The following SOX6 variants were observed in gnomAD, a reference collection of about 807,000 sequenced individuals.
SOX6 encodes transcription factor SOX-6.
In SOX6, 11 loss-of-function variants were observed where a neutral mutation model predicts 97.8. That is an observed-to-expected ratio of 0.11 (90% CI 0.07 to 0.19). SOX6 has a LOEUF of 0.19. Among genes scored for constraint, SOX6 ranks in the 10% least tolerant of loss-of-function variants. SOX6 has a pLI of 1.00. For synonymous variants in SOX6, 360 were observed against 371.4 expected, an observed-to-expected ratio of 0.97 and a Z score of 0.35; for missense variants, 810 against 1,039.5, an observed-to-expected ratio of 0.78 and a Z score of 3.04.
intron 1 of SOX6, among the ~76,000 whole-genome samples, chr11:16,355,217 G>A (rs966690356): frequency 6.6e-6 from 1 of 151,924 alleles, no homozygotes; most frequent in African/African-American, 2.4e-5. Flanking sequence ...CTTGCCTAAA[G>A]ACCAAACTCA....
intron 4 of SOX6, among the ~76,000 whole-genome samples, chr11:16,516,791 C>A (rs1398264359): frequency 2.0e-5 from 3 of 150,684 alleles, no homozygotes; most frequent in Non-Finnish European, 4.4e-5. Context: ...CTATTCCAAT[C>A]AATAGAAAAA....
Position 16,315,421 on chromosome 11 carries a change from T to C in SOX6, c.445+3025A>G, listed in dbSNP as rs150358717. 2.4e-4 allele frequency: 36 copies of C among 152,308 alleles called. No homozygotes were observed. The East Asian group carries it at 6.6e-3, about 28-fold the overall frequency. 9.4% of individuals were successfully genotyped at this position (152,308 alleles called of 1,614,324 possible). A position where few individuals can be genotyped will look rare whatever the true frequency, so the allele number is the denominator to read the frequency against. ...GTAGAAAAATAATCACAATACTATG[T>C]AGTCCTTGAAAAGTGCTGTAAAAAA... is the stretch of plus-strand genomic sequence containing the variant. On this transcript the variant is annotated intron_variant, in intron 3 of 15. Transcript: ENST00000683767.
chr11:16,350,100 T>C (rs1252505208), intron 1 of SOX6, among the ~76,000 whole-genome samples: 1 of 152,222 alleles, frequency 6.6e-6, no homozygotes, highest in South Asian at 2.1e-4. Context: ...ATCAAGAGCA[T>C]AGGCTCTCCT....
intron 1 of SOX6, among the ~76,000 whole-genome samples, chr11:16,364,374 T>C (rs1857292440): frequency 6.6e-6 from 1 of 152,130 alleles, no homozygotes; most frequent in Non-Finnish European, 1.5e-5. Context: ...AAACAGCCTA[T>C]CTACTAGCCT....
intron 4 of SOX6, among the ~76,000 whole-genome samples, chr11:16,232,227 A>G (rs1319617104): frequency 6.6e-6 from 1 of 151,920 alleles, no homozygotes; most frequent in Non-Finnish European, 1.5e-5. Flanking sequence ...ATAAAAATGT[A>G]TGTTGAGTTT....
At chr11:16,236,561 T>G (rs1853030965) in intron 3 of SOX6, among the ~76,000 whole-genome samples, 2 of 152,052 alleles carry the variant, frequency 1.3e-5, no homozygotes, top group South Asian at 4.1e-4. Context: ...AGCTAATAAT[T>G]ACTGATACAA....
chr11:16,476,612 A>T (rs1418127986), upstream of SOX6, among the ~76,000 whole-genome samples: 5 of 152,172 alleles, frequency 3.3e-5, no homozygotes, highest in South Asian at 2.1e-4. Context: ...TTGCTCTTTT[A>T]AAAAAATCGG....
At chr11:16,501,618 AAAAC>A (rs1321187210) in intron 4 of SOX6, among the ~76,000 whole-genome samples, 7 of 152,088 alleles carry the variant, frequency 4.6e-5, no homozygotes, top group Non-Finnish European at 7.3e-5. Context: ...TTACAAGAAA[AAAAC>A]AAACAACCCC....
At chr11:16,658,268 T>C (rs1217036447) in intron 3 of SOX6, among the ~76,000 whole-genome samples, 1 of 152,230 alleles carries the variant, frequency 6.6e-6, no homozygotes, top group Non-Finnish European at 1.5e-5. Context: ...TCTCTTCTTA[T>C]GGTTATATGC....
At position 16,044,472 on chromosome 11, in the gene SOX6, C is replaced by A. The variant is rs61000891; in HGVS notation, c.1623+2042G>T. ...ATTGCACATTATACATTAATATTTA[C>A]CCTCTTTGGCTCAGAAGAAAATCTG... On this transcript the variant is annotated intron_variant, in intron 12 of 15. Coordinates refer to ENST00000683767, the MANE Select transcript of SOX6 (RefSeq NM_001367873.1). Among the ~76,000 whole-genome samples the A allele has an allele frequency of 3.3e-5, 5 of 152,084 alleles. No individual in the cohort carries two copies. The East Asian group carries it at 9.7e-4, about 29-fold the overall frequency.
At chr11:16,268,680 T>C (rs1322276660) in intron 3 of SOX6, among the ~76,000 whole-genome samples, 2 of 151,186 alleles carry the variant, frequency 1.3e-5, no homozygotes, top group Non-Finnish European at 1.5e-5. Context: ...TAATTGAAAA[T>C]AGTATCTCTT....
chr11:16,573,911 C>T lies in SOX6; in HGVS notation n.609+38170G>A, dbSNP rs74560291. Among the ~76,000 whole-genome samples, 1,019 of 152,146 alleles carry T rather than the reference C, an allele frequency of 6.7e-3. 32 individuals are homozygous for T. The South Asian group carries it at 0.081, about 12-fold the overall frequency. On this transcript the variant is annotated intron_variant and non_coding_transcript_variant, in intron 4 of 5. Transcript: ENST00000524520. Reference sequence around the variant, plus strand: ...TTTTTGACTTCTCTGTTACTACTGCCTTGAACTGTTAAATTTGCTTAATGT... The same window carrying T: ...TTTTTGACTTCTCTGTTACTACTGCTTTGAACTGTTAAATTTGCTTAATGT...
At chr11:16,230,503 A>G (rs900393543) in intron 4 of SOX6, among the ~76,000 whole-genome samples, 1 of 151,788 alleles carries the variant, frequency 6.6e-6, no homozygotes, top group African/African-American at 2.4e-5. Flanking sequence ...CATTCACAAG[A>G]GTAAGCAAAA....
intron 2 of SOX6, among the ~76,000 whole-genome samples, chr11:16,728,704 T>C (rs1848326663): frequency 6.6e-6 from 1 of 152,096 alleles, no homozygotes; most frequent in South Asian, 2.1e-4. Flanking sequence ...CTGATCAGCA[T>C]GGGAACAAAC....
intron 4 of SOX6, among the ~76,000 whole-genome samples, chr11:16,483,128 G>C (rs532627290): frequency 5.9e-5 from 9 of 152,206 alleles, no homozygotes; most frequent in African/African-American, 2.2e-4. Flanking sequence ...ACCACATTTT[G>C]ATAACCACTG....
rs549939755 is a variant in SOX6 at position 16,487,220 on chromosome 11, T to TA, written n.610-10833dup. On this transcript the variant is annotated intron_variant and non_coding_transcript_variant, in intron 4 of 5. Transcript: ENST00000524520. ...GATTTTTTAAAATATAAGGAGGTAT[T>TA]AGAAACTAGACATGGAATTTAGCTA... Among the ~76,000 whole-genome samples the TA allele has an allele frequency of 5.9e-5, 9 of 152,328 alleles. No homozygotes were observed. In the South Asian group the frequency reaches 1.9e-3, roughly 32 times the overall value.
intron 4 of SOX6, among the ~76,000 whole-genome samples, chr11:16,498,590 C>T (rs1860649695): frequency 6.6e-6 from 1 of 151,974 alleles, no homozygotes; most frequent in Non-Finnish European, 1.5e-5. Context: ...CACACATAGG[C>T]TCAAAATAAA....
intron 4 of SOX6, among the ~76,000 whole-genome samples, chr11:16,597,072 G>A (rs1034612624): frequency 2.0e-5 from 3 of 152,052 alleles, no homozygotes; most frequent in Non-Finnish European, 2.9e-5. Context: ...AAACCCAATT[G>A]AAACATTGAT....
chr11:16,287,678 G>A (rs1454350442), intron 3 of SOX6, among the ~76,000 whole-genome samples: 1 of 151,982 alleles, frequency 6.6e-6, no homozygotes, highest in African/African-American at 2.4e-5. Context: ...ATTTTTATGA[G>A]GCTGAAATAA....
Sources: gnomAD v4.1 joint callset for allele counts (sites outside exome capture counted in the v4.1 genomes callset) on GRCh38, gnomAD v4.1.1 for gene constraint, MANE v1.5 for transcripts, NCBI Gene and HGNC (gene_info 2026-07-23, HGNC 2026-07-21) for gene names.